NXPE4: variants seen among roughly 807,000 people sequenced by gnomAD.
The protein encoded by NXPE4 is NXPE family member 4.
In NXPE4, 42 loss-of-function variants were observed where a neutral mutation model predicts 33.3. The ratio of observed to expected loss-of-function variants is 1.26; its 90% CI spans 0.98 to 1.63. NXPE4 has a LOEUF of 1.63. NXPE4 is among the 40% of genes most tolerant of loss of function. The probability of loss-of-function intolerance (pLI) is 0.00; values close to 1 mark genes in which losing one functional copy is unlikely to be tolerated. For synonymous variants in NXPE4, 253 were observed against 234.9 expected (o/e 1.08, Z -0.71); for missense variants, 709 against 647.6 (o/e 1.09, Z -1.03).
the NXPE4 span, among the ~76,000 whole-genome samples, chr11:114,603,902 T>C: frequency 6.6e-6 from 1 of 150,774 alleles, no homozygotes; most frequent in Non-Finnish European, 1.5e-5. Context: ...TATTGCCTCG[T>C]CTCCAAGGGT....
chr11:114,631,342 C>A, the NXPE4 span, among the ~76,000 whole-genome samples: 8 of 151,668 alleles, frequency 5.3e-5, no homozygotes, highest in African/African-American at 1.9e-4. Context: ...ACTATGCAGC[C>A]ATAAAAAATG....
At chr11:114,605,756 C>T in the NXPE4 span, among the ~76,000 whole-genome samples, 1 of 151,782 alleles carries the variant, frequency 6.6e-6, no homozygotes, top group East Asian at 1.9e-4. Flanking sequence ...AGTATTGCCC[C>T]TAGGGTAATC....
chr11:114,642,560 C>T, the NXPE4 span, among the ~76,000 whole-genome samples: 1 of 152,028 alleles, frequency 6.6e-6, no homozygotes, highest in African/African-American at 2.4e-5. Flanking sequence ...TGATGGTTTC[C>T]AGCTTCATCT....
At chr11:114,626,322 G>C in the NXPE4 span, among the ~76,000 whole-genome samples, 1 of 152,218 alleles carries the variant, frequency 6.6e-6, no homozygotes, top group Non-Finnish European at 1.5e-5. Flanking sequence ...CACACAGCTG[G>C]AGATCTGAGA....
At chr11:114,586,345 A>T (rs1949297332) in intron 2 of NXPE4, among the ~76,000 whole-genome samples, 1 of 152,174 alleles carries the variant, frequency 6.6e-6, no homozygotes, top group Non-Finnish European at 1.5e-5. Flanking sequence ...TCATTATGGG[A>T]GCCCACCTGG....
the NXPE4 span, among the ~76,000 whole-genome samples, chr11:114,640,006 T>G: frequency 8.4e-6 from 1 of 118,550 alleles, no homozygotes; most frequent in South Asian, 2.4e-4. Context: ...TATAATGTAA[T>G]AATATATTAT....
At chr11:114,626,496 G>T in the NXPE4 span, among the ~76,000 whole-genome samples, 64 of 152,254 alleles carry the variant, frequency 4.2e-4, no homozygotes, top group Middle Eastern at 0.01. Context: ...TAACAGAAAG[G>T]ACATCCACAC....
chr11:114,606,635 G>A, the NXPE4 span, among the ~76,000 whole-genome samples: 4 of 151,800 alleles, frequency 2.6e-5, no homozygotes, highest in South Asian at 2.1e-4. Context: ...GTGTTGCCTC[G>A]TGGGAAACCA....
At chr11:114,662,261 C>A in the NXPE4 span, among the ~76,000 whole-genome samples, 206 of 152,138 alleles carry the variant, frequency 1.4e-3, 1 homozygote, top group Non-Finnish European at 2.1e-3. Flanking sequence ...AACTGTGAGG[C>A]CTTGAACTCA....
At chr11:114,597,331 T>C (rs59818646), upstream of NXPE4, among the ~76,000 whole-genome samples, 21,825 of 152,182 alleles carry the variant, frequency 0.14, 1,991 homozygotes, top group East Asian at 0.4. Context: ...AACAGTGATC[T>C]GAAATCTGAA....
the NXPE4 span, among the ~76,000 whole-genome samples, chr11:114,655,395 G>A: frequency 6.6e-6 from 1 of 152,008 alleles, no homozygotes; most frequent in African/African-American, 2.4e-5. Flanking sequence ...ATGAAGTCTT[G>A]GATCATGCCT....
the NXPE4 span, among the ~76,000 whole-genome samples, chr11:114,620,824 G>C: frequency 6.6e-6 from 1 of 152,084 alleles, no homozygotes; most frequent in Non-Finnish European, 1.5e-5. Flanking sequence ...CTGTTACCCT[G>C]TGTCTAATAA....
the NXPE4 span, among the ~76,000 whole-genome samples, chr11:114,617,341 G>A: frequency 4.0e-5 from 6 of 151,618 alleles, no homozygotes; most frequent in Non-Finnish European, 8.8e-5. Context: ...CTCTTACCTG[G>A]TGGATAATAA....
At chr11:114,626,028 C>A in the NXPE4 span, among the ~76,000 whole-genome samples, 1 of 152,202 alleles carries the variant, frequency 6.6e-6, no homozygotes, top group Non-Finnish European at 1.5e-5. Context: ...GGGTCCTACG[C>A]CCACGGAGTC....
the NXPE4 span, among the ~76,000 whole-genome samples, chr11:114,603,941 A>G: frequency 6.6e-6 from 1 of 151,218 alleles, no homozygotes; most frequent in African/African-American, 2.4e-5. Flanking sequence ...GATAATAAGT[A>G]TTGCCTCTTC....
chr11:114,601,785 A>G, the NXPE4 span, among the ~76,000 whole-genome samples: 1 of 67,474 alleles, frequency 1.5e-5, no homozygotes, highest in Non-Finnish European at 2.4e-5. Flanking sequence ...TAATTATATA[A>G]CATGTGATAT....
At chr11:114,617,043 T>G in the NXPE4 span, among the ~76,000 whole-genome samples, 1 of 151,942 alleles carries the variant, frequency 6.6e-6, no homozygotes, top group East Asian at 1.9e-4. Context: ...TAACCTCTGT[T>G]ACCCAGTGTA....
chr11:114,574,008 T>C (rs983753439), intron 5 of NXPE4, among the ~76,000 whole-genome samples: 1 of 151,990 alleles, frequency 6.6e-6, no homozygotes, highest in Admixed American at 6.6e-5. Flanking sequence ...TTATATCAAG[T>C]ACTCTCTCAG....
chr11:114,613,641 T>C, the NXPE4 span, among the ~76,000 whole-genome samples: 1 of 151,904 alleles, frequency 6.6e-6, no homozygotes, highest in Non-Finnish European at 1.5e-5. Flanking sequence ...GGATAACAAG[T>C]GTTGCCTTTG....
Sources: allele counts gnomAD v4.1 joint callset (sites outside exome capture counted in the v4.1 genomes callset), GRCh38; gene constraint gnomAD v4.1.1; transcripts MANE v1.5; gene names NCBI Gene and HGNC (gene_info 2026-07-23, HGNC 2026-07-21).